ATP1B1: variants seen among roughly 807,000 people sequenced by gnomAD.
ATP1B1 encodes ATPase Na+/K+ transporting subunit beta 1.
In ATP1B1, 3 loss-of-function variants were observed where a neutral mutation model predicts 39.6. The ratio of observed to expected loss-of-function variants is 0.08; its 90% CI spans 0.03 to 0.20. The LOEUF (loss-of-function observed/expected upper bound fraction) is 0.20. Ranked by LOEUF, ATP1B1 falls within the 10% of genes least tolerant of loss-of-function variation. The probability of loss-of-function intolerance (pLI) is 1.00; values close to 1 mark genes in which losing one functional copy is unlikely to be tolerated. For missense variants in ATP1B1, 216 were observed against 371.1 expected (o/e 0.58, Z 3.43); for synonymous variants, 139 against 135.0 (o/e 1.03, Z -0.20).
intron 2 of ATP1B1, among the ~76,000 whole-genome samples, chr1:169,117,107 A>G (rs933426274): frequency 5.3e-5 from 8 of 152,214 alleles, no homozygotes; most frequent in African/African-American, 1.2e-4. Context: ...GCAAAGTGCC[A>G]GTAAGGTGTT....
At chr1:169,127,147 A>G in intron 3 of ATP1B1, 77 bp from the exon 4 acceptor site, 1 of 1,436,506 alleles carries the variant, frequency 7.0e-7, no homozygotes. Context: ...TAACTATGAC[A>G]AGGAAGACAG....
intron 5 of ATP1B1, 30 bp downstream of exon 5, chr1:169,130,120 G>A (rs2101794613): frequency 6.3e-7 from 1 of 1,595,416 alleles, no homozygotes; most frequent in East Asian, 2.2e-5. Flanking sequence ...TACTGGGGTG[G>A]TGGAAGGGTA....
chr1:169,132,045 T>TTTTTTTGCTC lies in ATP1B1; in HGVS notation c.*493_*494insTTTGCTCTTT. 1 of 264,166 alleles carries TTTTTTTGCTC rather than the reference T, an allele frequency of 3.8e-6. No individual in the cohort carries two copies. Among genetic ancestry groups the TTTTTTTGCTC allele is most frequent in the Non-Finnish European group, 7.4e-6 (1 of 134,608 alleles). The allele number at this position is 264,166 out of a possible 1,614,324, so 16.4% of individuals were successfully genotyped here. ...TTTTTTTTTTTTTTTTTTTTTTGTT[T>TTTTTTTGCTC]TTTGGCTCTTTCAAAGGTAATGGCC... On this transcript the variant is annotated 3_prime_UTR_variant, in exon 6 of 6. Transcript: ENST00000367815.
chr1:169,124,211 A>G (rs1272241752), intron 2 of ATP1B1, among the ~76,000 whole-genome samples: 1 of 152,208 alleles, frequency 6.6e-6, no homozygotes, highest in Non-Finnish European at 1.5e-5. Flanking sequence ...TGCAAACCCA[A>G]GGCATACGGA....
chr1:169,108,179 G>GT (rs1657645139), intron 1 of ATP1B1: 4 of 152,218 alleles, frequency 2.6e-5, no homozygotes, highest in Non-Finnish European at 2.9e-5. Flanking sequence ...TCAAGGTGAA[G>GT]CGTCTTTCCA....
chr1:169,111,203 A>AT (rs1657721436), intron 1 of ATP1B1, among the ~76,000 whole-genome samples, 167 bp from the exon 2 acceptor site: 1 of 152,168 alleles, frequency 6.6e-6, no homozygotes, highest in African/African-American at 2.4e-5. Context: ...CAGCTTCTCG[A>AT]TTTTCACCCT....
intron 2 of ATP1B1, among the ~76,000 whole-genome samples, chr1:169,122,852 A>G (rs963044667): frequency 6.7e-6 from 1 of 149,430 alleles, no homozygotes; most frequent in Non-Finnish European, 1.5e-5. Flanking sequence ...TGGCCTCCCA[A>G]AGTGCTGTGA....
intron 1 of ATP1B1, among the ~76,000 whole-genome samples, chr1:169,109,896 T>C (rs775727662): frequency 1.8e-4 from 28 of 152,076 alleles, no homozygotes; most frequent in Non-Finnish European, 2.8e-4. Context: ...TCTCTTGACG[T>C]CACAGCGTTG....
intron 2 of ATP1B1, among the ~76,000 whole-genome samples, chr1:169,117,338 CTGTT>C (rs1360318082): frequency 6.6e-6 from 1 of 152,202 alleles, no homozygotes; most frequent in Non-Finnish European, 1.5e-5. Context: ...GGGGGGAACT[CTGTT>C]TGGCTTCAAC....
intron 2 of ATP1B1, among the ~76,000 whole-genome samples, chr1:169,117,193 T>C (rs2101781686): frequency 6.6e-6 from 1 of 152,308 alleles, no homozygotes; most frequent in South Asian, 2.1e-4. Flanking sequence ...TCTCTCACTT[T>C]CCCTCTCCTC....
chr1:169,126,589 TA>T (rs1304203272), intron 3 of ATP1B1, among the ~76,000 whole-genome samples: 1 of 151,830 alleles, frequency 6.6e-6, no homozygotes, highest in African/African-American at 2.4e-5. Flanking sequence ...CACACGCCTG[TA>T]GTCCCAGCTA....
At chr1:169,127,547 A>G in intron 4 of ATP1B1, 139 bp downstream of exon 4, 1 of 842,762 alleles carries the variant, frequency 1.2e-6, no homozygotes, top group Non-Finnish European at 1.8e-6. Context: ...TAACACCAAA[A>G]ACTTCTGTAT....
chr1:169,111,034 T>C (rs1031960078), intron 1 of ATP1B1, among the ~76,000 whole-genome samples: 2 of 152,244 alleles, frequency 1.3e-5, no homozygotes, highest in African/African-American at 4.8e-5. Flanking sequence ...CTAGATTTTA[T>C]TGGTGATCTT....
intron 5 of ATP1B1, 94 bp downstream of exon 5, chr1:169,130,184 T>A: frequency 9.3e-7 from 1 of 1,079,788 alleles, no homozygotes; most frequent in Non-Finnish European, 1.4e-6. Context: ...GGTAGAATTT[T>A]AATAGAAGAA....
chr1:169,111,535 A>G, intron 2 of ATP1B1, 37 bp downstream of exon 2: 1 of 1,598,658 alleles, frequency 6.3e-7, no homozygotes. Flanking sequence ...TCCTTCAGAG[A>G]TAGCATGGGT....
chr1:169,126,951 T>C (rs966921492), intron 3 of ATP1B1, among the ~76,000 whole-genome samples: 1 of 152,214 alleles, frequency 6.6e-6, no homozygotes, highest in Non-Finnish European at 1.5e-5. Context: ...AAGGGAAATA[T>C]TGCCAGAGAC....
In ATP1B1 at chr1:169,107,034, G is replaced by T. The variant is rs909912701; in HGVS notation, c.97+108G>T. 3.7e-5 allele frequency: 41 copies of T among 1,109,414 alleles called. No homozygotes were observed. The African/African-American group carries it at 6.2e-4, about 17-fold the overall frequency. The allele number at this position is 1,109,414 out of a possible 1,614,324, so 68.7% of individuals were successfully genotyped here. On this transcript the variant is annotated intron_variant, in intron 1 of 5. Coordinates refer to ENST00000367815, the MANE Select transcript of ATP1B1 (RefSeq NM_001677.4). ...TTCCGCACCCACCGCGCTGGCCGGGGTGGCGGGGGCGAGGGTGGTGGACGC... is the reference window on the plus strand; with the variant it reads ...TTCCGCACCCACCGCGCTGGCCGGGTTGGCGGGGGCGAGGGTGGTGGACGC...
chr1:169,132,435 C>A lies in ATP1B1; in HGVS notation c.*880C>A. ...GCTGTGTCTTTATGAATGTTTTAAC[C>A]ATTTTCATGGTGGAAGAATTTTATA... On this transcript the variant is annotated 3_prime_UTR_variant, in exon 6 of 6. Transcript: ENST00000367815. 2.3e-6 allele frequency: 1 copy of A among 429,266 alleles called. No homozygotes were observed. Among genetic ancestry groups the A allele is most frequent in the South Asian group, 8.7e-5 (1 of 11,454 alleles). 26.6% of individuals were successfully genotyped at this position (429,266 alleles called of 1,614,324 possible).
intron 2 of ATP1B1, among the ~76,000 whole-genome samples, chr1:169,120,780 A>G (rs1404053723): frequency 6.6e-6 from 1 of 152,192 alleles, no homozygotes; most frequent in Non-Finnish European, 1.5e-5. Context: ...ATGTGATTCC[A>G]TTACTTGGTT....
Sources: gnomAD v4.1 joint callset for allele counts (sites outside exome capture counted in the v4.1 genomes callset) on GRCh38, gnomAD v4.1.1 for gene constraint, MANE v1.5 for transcripts, NCBI Gene and HGNC (gene_info 2026-07-23, HGNC 2026-07-21) for gene names.